The following GPC5 variants were observed in gnomAD, a reference collection of about 807,000 sequenced individuals.
The protein encoded by GPC5 is glypican 5, also known as glypican-5.
In GPC5, 47 loss-of-function variants were observed where a neutral mutation model predicts 53.9. The observed-to-expected ratio is 0.87, with a 90% CI of 0.69 to 1.11. GPC5 has a LOEUF of 1.11. GPC5 is among the 50% of genes most tolerant of loss of function. The probability of loss-of-function intolerance (pLI) is 0.00; values close to 1 mark genes in which losing one functional copy is unlikely to be tolerated. For synonymous variants in GPC5, 286 were observed against 263.3 expected (o/e 1.09, Z -0.84); for missense variants, 748 against 713.1 (o/e 1.05, Z -0.56).
At chr13:92,782,647 A>C (rs1454849938) in intron 7 of GPC5, among the ~76,000 whole-genome samples, 2 of 152,130 alleles carry the variant, frequency 1.3e-5, no homozygotes, top group Non-Finnish European at 2.9e-5. Flanking sequence ...ATTTTCTTTT[A>C]CTTTTCATGG....
intron 7 of GPC5, among the ~76,000 whole-genome samples, chr13:92,699,469 G>C (rs9561115): frequency 0.056 from 8,530 of 151,934 alleles, 642 homozygotes; most frequent in East Asian, 0.33. Context: ...ACTTCTGCTA[G>C]CTTTTGAATT....
chr13:91,511,103 T>C (rs16946071), intron 2 of GPC5, among the ~76,000 whole-genome samples: 14,863 of 152,140 alleles, frequency 0.098, 928 homozygotes, highest in South Asian at 0.28. Flanking sequence ...TAAATTTGAG[T>C]TTGTAGTTAA....
At chr13:92,392,718 CT>C (rs1875065442) in intron 7 of GPC5, among the ~76,000 whole-genome samples, 1 of 151,970 alleles carries the variant, frequency 6.6e-6, no homozygotes, top group Admixed American at 6.6e-5. Flanking sequence ...AGAAACAACC[CT>C]ATTAAAAAGT....
At chr13:92,206,553 G>A (rs758232892) in intron 7 of GPC5, among the ~76,000 whole-genome samples, 51 of 151,920 alleles carry the variant, frequency 3.4e-4, no homozygotes, top group Non-Finnish European at 6.2e-4. Context: ...ATAAACTTAT[G>A]CAGAACTATA....
chr13:91,601,175 A>T (rs2033169211), intron 2 of GPC5, among the ~76,000 whole-genome samples: 2 of 152,192 alleles, frequency 1.3e-5, no homozygotes, highest in African/African-American at 4.8e-5. Context: ...TTTTTTAAAA[A>T]CAACCAATCA....
intron 5 of GPC5, among the ~76,000 whole-genome samples, chr13:91,794,755 TCAAA>T (rs1316612153): frequency 1.3e-5 from 2 of 152,244 alleles, no homozygotes; most frequent in Non-Finnish European, 2.9e-5. Context: ...CTGAGTCTGC[TCAAA>T]CAGTGCAGTG....
chr13:92,486,861 A>T (rs1594242839), intron 7 of GPC5, among the ~76,000 whole-genome samples: 1 of 148,986 alleles, frequency 6.7e-6, no homozygotes, highest in African/African-American at 2.5e-5. Context: ...GGGGACAGGG[A>T]TTTTTTTTTT....
At chr13:91,790,013 G>GA (rs1381559509) in intron 5 of GPC5, among the ~76,000 whole-genome samples, 2 of 152,172 alleles carry the variant, frequency 1.3e-5, no homozygotes, top group Non-Finnish European at 2.9e-5. Flanking sequence ...CCAGTCTTCA[G>GA]AAAAATATAT....
intron 7 of GPC5, among the ~76,000 whole-genome samples, chr13:92,774,006 G>A (rs1875704292): frequency 6.6e-6 from 1 of 152,192 alleles, no homozygotes; most frequent in African/African-American, 2.4e-5. Context: ...CAGATCTCAT[G>A]AGACTTATTC....
chr13:92,481,485 G>T (rs1257141692), intron 7 of GPC5, among the ~76,000 whole-genome samples: 2 of 152,132 alleles, frequency 1.3e-5, no homozygotes, highest in East Asian at 3.9e-4. Context: ...CGCAAAAAGG[G>T]GAAAAGAGTT....
Position 92,506,605 on chromosome 13 carries a change from A to G in GPC5, c.1562-359677A>G, listed in dbSNP as rs552818002. 2.6e-5 allele frequency among the ~76,000 whole-genome samples: 4 copies of G among 152,244 alleles called. No homozygotes were observed. The South Asian group carries it at 8.3e-4, about 32-fold the overall frequency. ...TATAAAATGCACCTCTTACTTCGTG[A>G]TTCTGAGGAAATTTCAGAGAGTGAA... On this transcript the variant is annotated intron_variant, in intron 7 of 7. Coordinates refer to ENST00000377067, the MANE Select transcript of GPC5 (RefSeq NM_004466.6).
chr13:92,817,964 T>G (rs1877533302), intron 7 of GPC5, among the ~76,000 whole-genome samples: 2 of 151,812 alleles, frequency 1.3e-5, no homozygotes, highest in East Asian at 3.9e-4. Context: ...TACAAAACTT[T>G]CCACCTGGGT....
intron 5 of GPC5, among the ~76,000 whole-genome samples, chr13:91,880,032 A>G (rs2039247298): frequency 6.6e-6 from 1 of 152,134 alleles, no homozygotes; most frequent in South Asian, 2.1e-4. Flanking sequence ...ATAACTTTAT[A>G]CATATTTCAT....
intron 2 of GPC5, among the ~76,000 whole-genome samples, chr13:91,603,875 T>G (rs2033262416): frequency 6.6e-6 from 1 of 152,116 alleles, no homozygotes; most frequent in South Asian, 2.1e-4. Flanking sequence ...TCCTCTTTTT[T>G]CCTTCTCTCT....
intron 7 of GPC5, among the ~76,000 whole-genome samples, chr13:92,662,010 A>G (rs1478811813): frequency 6.6e-6 from 1 of 152,106 alleles, no homozygotes; most frequent in African/African-American, 2.4e-5. Context: ...TCTTACATCC[A>G]TATTTCCAAT....
intron 2 of GPC5, among the ~76,000 whole-genome samples, chr13:91,529,880 C>A (rs1469023856): frequency 6.6e-6 from 1 of 152,096 alleles, no homozygotes; most frequent in Non-Finnish European, 1.5e-5. Context: ...TGGGTCTGAG[C>A]TGGGACTTCA....
chr13:91,555,040 C>A (rs1484433683), intron 2 of GPC5, among the ~76,000 whole-genome samples: 2 of 151,964 alleles, frequency 1.3e-5, no homozygotes, highest in Non-Finnish European at 2.9e-5. Flanking sequence ...TGGCTTCTTG[C>A]CTTTTAATTT....
At chr13:91,937,446 C>T (rs1267223417) in intron 6 of GPC5, among the ~76,000 whole-genome samples, 1 of 151,992 alleles carries the variant, frequency 6.6e-6, no homozygotes, top group Non-Finnish European at 1.5e-5. Context: ...CAGCAAGTTA[C>T]CATCTGTGGC....
chr13:92,758,902 T>G lies in GPC5; in HGVS notation c.1562-107380T>G, dbSNP rs148833264. On this transcript the variant is annotated intron_variant, in intron 7 of 7. Transcript: ENST00000377067. Reference sequence around the variant, plus strand: ...CTTTTATCCATTTTGAGTTGATTTTTGTGTATGGTGTAAAAGAAGGGTCCA... The same window carrying G: ...CTTTTATCCATTTTGAGTTGATTTTGGTGTATGGTGTAAAAGAAGGGTCCA... Among the ~76,000 whole-genome samples, 1,271 of 152,092 alleles carry G rather than the reference T, an allele frequency of 8.4e-3. 17 individuals are homozygous for G. The highest frequency in any genetic ancestry group is 0.029 in the African/African-American group (1,218 of 41,500).
Sources: gnomAD v4.1 joint callset for allele counts (sites outside exome capture counted in the v4.1 genomes callset) on GRCh38, gnomAD v4.1.1 for gene constraint, MANE v1.5 for transcripts, NCBI Gene and HGNC (gene_info 2026-07-23, HGNC 2026-07-21) for gene names.